Variants in ARMC8 observed in about 807,000 individuals in gnomAD.
ARMC8 encodes the protein armadillo repeat containing 8.
A neutral mutation model predicts 99.3 loss-of-function variants in ARMC8; 20 were observed. The ratio of observed to expected loss-of-function variants is 0.20; its 90% CI spans 0.14 to 0.29. The LOEUF is 0.29. Ranked by LOEUF, ARMC8 falls within the 10% of genes least tolerant of loss-of-function variation. The pLI, the probability that ARMC8 is intolerant of heterozygous loss-of-function variation, is 1.00. For missense variants in ARMC8, 569 were observed against 809.5 expected (o/e 0.70, Z 3.60); for synonymous variants, 263 against 278.3 (o/e 0.95, Z 0.55).
chr3:138,196,833 C>G (rs1359954447), intron 1 of ARMC8, among the ~76,000 whole-genome samples: 1 of 152,168 alleles, frequency 6.6e-6, no homozygotes, highest in African/African-American at 2.4e-5. Context: ...CACCCTTGCA[C>G]TCCAGCTTGG....
rs779828353 is a variant in ARMC8 at position 138,273,031 on chromosome 3, A to G, written c.1544A>G (p.Gln515Arg). The G allele has an allele frequency of 1.9e-6, 3 of 1,613,194 alleles. No individual in the cohort carries two copies. The highest frequency in any genetic ancestry group is 1.3e-5 in the African/African-American group (1 of 74,936). Residue 515 changes from glutamine (Q) to arginine (R), a missense_variant, in exon 17 of 22, where the codon CAG becomes CGG. Physicochemically the swap from Gln to Arg is conservative, Grantham distance 43 (BLOSUM62 1). Around this residue, in one of 2 missense-constraint regions of ARMC8, gnomAD observed 227 missense variants for 417.9 expected, o/e 0.54. Coordinates refer to ENST00000469044, the MANE Select transcript of ARMC8 (RefSeq NM_001363941.2). The part of the protein sequence containing the change: ...ADILRSLSTE[Q>R]LFRLLSDSDL... ...ATTTTACGAAGCTTGAGTACTGAACAGCTATTCCGGTTATTATCAGATTCA... is the reference window on the plus strand; with the variant it reads ...ATTTTACGAAGCTTGAGTACTGAACGGCTATTCCGGTTATTATCAGATTCA...
At chr3:138,288,316 C>A (rs2050616074) in intron 19 of ARMC8, among the ~76,000 whole-genome samples, 1 of 152,186 alleles carries the variant, frequency 6.6e-6, no homozygotes, top group Non-Finnish European at 1.5e-5. Flanking sequence ...ACCAAATGCA[C>A]ATCCACCCAG....
intron 13 of ARMC8, 71 bp from the exon 14 acceptor site, chr3:138,264,060 A>C: frequency 7.1e-7 from 1 of 1,409,976 alleles, no homozygotes; most frequent in Non-Finnish European, 1.0e-6. Context: ...TCATTGTAAA[A>C]TGCCAGCCAG....
At chr3:138,246,918 G>A (rs910293394) in intron 12 of ARMC8, 19 of 800,158 alleles carry the variant, frequency 2.4e-5, no homozygotes, top group Non-Finnish European at 2.9e-5. Flanking sequence ...CAAAGATACT[G>A]TGATATTATG....
intron 2 of ARMC8, 99 bp downstream of exon 2, chr3:138,209,992 T>C: frequency 1.3e-6 from 1 of 790,110 alleles, no homozygotes; most frequent in Non-Finnish European, 2.0e-6. Context: ...TTATACCTTT[T>C]TTCTTTCATT....
Position 138,187,384 on chromosome 3 carries a change from T to C in ARMC8, c.-171T>C, listed in dbSNP as rs2107921465. On this transcript the variant is annotated 5_prime_UTR_variant, in exon 1 of 22. Transcript: ENST00000469044. ...GACAGCCCCTGACGCCATTCCCTTT[T>C]GCCCTTCTTTCTGCGGGCCTTTCCG... 2 of 619,204 alleles carry C rather than the reference T, an allele frequency of 3.2e-6. No homozygotes were observed. Among genetic ancestry groups the C allele is most frequent in the East Asian group, 5.7e-5 (2 of 35,086 alleles). 38.4% of individuals were successfully genotyped at this position (619,204 alleles called of 1,614,324 possible).
At chr3:138,262,726 CA>C (rs1255446377) in intron 12 of ARMC8, 3 of 865,832 alleles carry the variant, frequency 3.5e-6, no homozygotes, top group Non-Finnish European at 4.9e-6. Flanking sequence ...CAAGGACAAC[CA>C]AGGTTAAGAT....
At chr3:138,241,134 A>G (rs1411846477) in intron 10 of ARMC8, among the ~76,000 whole-genome samples, 1 of 152,236 alleles carries the variant, frequency 6.6e-6, no homozygotes, top group Non-Finnish European at 1.5e-5. Flanking sequence ...CATTGCCAAG[A>G]TTTTTGAGGG....
intron 2 of ARMC8, among the ~76,000 whole-genome samples, chr3:138,210,155 C>A (rs1260112721): frequency 6.6e-6 from 1 of 152,184 alleles, no homozygotes; most frequent in African/African-American, 2.4e-5. Flanking sequence ...TTGGAGAATG[C>A]TTTTGCTTCT....
chr3:138,276,744 TGATAA>T (rs2049335107), intron 18 of ARMC8, among the ~76,000 whole-genome samples: 1 of 152,148 alleles, frequency 6.6e-6, no homozygotes, highest in Non-Finnish European at 1.5e-5. Context: ...ATAAAAACAC[TGATAA>T]TGAAAGAAAT....
chr3:138,250,091 A>T (rs962734436), intron 12 of ARMC8, among the ~76,000 whole-genome samples: 3 of 152,198 alleles, frequency 2.0e-5, no homozygotes, highest in Non-Finnish European at 2.9e-5. Context: ...GAAGAAAGCG[A>T]AGAGTGAGAT....
intron 12 of ARMC8, among the ~76,000 whole-genome samples, chr3:138,250,374 T>G (rs866503536): frequency 6.6e-6 from 1 of 152,026 alleles, no homozygotes; most frequent in Non-Finnish European, 1.5e-5. Context: ...TGACCAACAT[T>G]GAAGGTGTAA....
At chr3:138,196,330 A>G (rs1462186443) in intron 1 of ARMC8, among the ~76,000 whole-genome samples, 1 of 152,130 alleles carries the variant, frequency 6.6e-6, no homozygotes, top group African/African-American at 2.4e-5. Flanking sequence ...GACATGCCAA[A>G]TTTGTAGTCA....
chr3:138,215,925 A>G (rs1257713578), intron 2 of ARMC8, among the ~76,000 whole-genome samples: 5 of 151,524 alleles, frequency 3.3e-5, no homozygotes, highest in African/African-American at 4.9e-5. Flanking sequence ...CAGTGATGCA[A>G]TCTCGGCTCA....
chr3:138,291,222 A>G (rs1338564544), intron 21 of ARMC8, among the ~76,000 whole-genome samples: 2 of 152,222 alleles, frequency 1.3e-5, no homozygotes, highest in Non-Finnish European at 2.9e-5. Context: ...ATCAGGGAAC[A>G]TCAGTACTTT....
chr3:138,197,650 G>C (rs2043813647), intron 1 of ARMC8, among the ~76,000 whole-genome samples: 1 of 152,166 alleles, frequency 6.6e-6, no homozygotes, highest in Non-Finnish European at 1.5e-5. Context: ...CTCAGTCTTT[G>C]TGAAACTCCT....
intron 12 of ARMC8, among the ~76,000 whole-genome samples, chr3:138,256,402 CTTTTTTTT>C (rs71146121): frequency 4.4e-5 from 4 of 90,276 alleles, no homozygotes; most frequent in South Asian, 4.3e-4. Flanking sequence ...TTTCCTCCTT[CTTTTTTTT>C]TTTTTTTTTT....
intron 12 of ARMC8, among the ~76,000 whole-genome samples, chr3:138,250,458 T>G (rs1226300410): frequency 1.3e-5 from 2 of 152,210 alleles, no homozygotes; most frequent in Non-Finnish European, 2.9e-5. Flanking sequence ...AAAGAAGTTA[T>G]GTTTTAGAAA....
intron 1 of ARMC8, among the ~76,000 whole-genome samples, chr3:138,194,292 C>T (rs1260199000): frequency 6.6e-5 from 10 of 150,714 alleles, no homozygotes; most frequent in Non-Finnish European, 1.3e-4. Context: ...ATCCGCCCGC[C>T]GCGGCCTCCC....
Sources: allele counts gnomAD v4.1 joint callset (sites outside exome capture counted in the v4.1 genomes callset), GRCh38; gene constraint gnomAD v4.1.1; regional missense constraint gnomAD v4.1.1; transcripts MANE v1.5; gene names NCBI Gene and HGNC (gene_info 2026-07-23, HGNC 2026-07-21).